The following NMNAT3 variants were observed in gnomAD, a reference collection of about 807,000 sequenced individuals.
NMNAT3 encodes the protein nicotinamide nucleotide adenylyltransferase 3, also known as nicotinamide/nicotinic acid mononucleotide adenylyltransferase 3.
In NMNAT3, 21 loss-of-function variants were observed where a neutral mutation model predicts 24.8. The ratio of observed to expected loss-of-function variants is 0.85; its 90% CI spans 0.60 to 1.22. NMNAT3 has a LOEUF of 1.22. NMNAT3 is among the 50% of genes most tolerant of loss of function. The probability of loss-of-function intolerance (pLI) is 0.00; values close to 1 mark genes in which losing one functional copy is unlikely to be tolerated. For synonymous variants in NMNAT3, 136 were observed against 155.2 expected, an observed-to-expected ratio of 0.88 and a Z score of 0.92; for missense variants, 387 against 436.6, an observed-to-expected ratio of 0.89 and a Z score of 1.01.
intron 1 of NMNAT3, among the ~76,000 whole-genome samples, chr3:139,640,984 T>C (rs2056680954): frequency 6.6e-6 from 1 of 152,246 alleles, no homozygotes; most frequent in Non-Finnish European, 1.5e-5. Flanking sequence ...CGCTATTGTG[T>C]TGGCTAGAAA....
chr3:139,630,161 C>A (rs1390464461), intron 2 of NMNAT3, among the ~76,000 whole-genome samples: 1 of 152,188 alleles, frequency 6.6e-6, no homozygotes, highest in Non-Finnish European at 1.5e-5. Context: ...TTGGCTATTC[C>A]TCTTAATCAA....
At chr3:139,677,064 C>T (rs1003861665) in intron 1 of NMNAT3, among the ~76,000 whole-genome samples, 3 of 152,216 alleles carry the variant, frequency 2.0e-5, no homozygotes, top group Non-Finnish European at 4.4e-5. Context: ...CTCCTTTCCT[C>T]AAGCCACATT....
At chr3:139,647,271 C>T (rs1158668888) in intron 1 of NMNAT3, among the ~76,000 whole-genome samples, 2 of 152,314 alleles carry the variant, frequency 1.3e-5, no homozygotes, top group East Asian at 1.9e-4. Context: ...GGCACTTCAC[C>T]TTTCTAGCTA....
chr3:139,620,158 A>G (rs1440260086), intron 3 of NMNAT3, among the ~76,000 whole-genome samples: 1 of 147,530 alleles, frequency 6.8e-6, no homozygotes, highest in Non-Finnish European at 1.5e-5. Flanking sequence ...GCCCTAAAGA[A>G]TGTATTGTAT....
chr3:139,607,491 C>A (rs1034915273), intron 3 of NMNAT3, among the ~76,000 whole-genome samples: 11 of 152,186 alleles, frequency 7.2e-5, no homozygotes, highest in African/African-American at 2.4e-4. Context: ...TTGTCCTTAG[C>A]CTTGCAGTAT....
chr3:139,636,624 G>C (rs1406040544), intron 2 of NMNAT3: 2 of 152,126 alleles, frequency 1.3e-5, no homozygotes, highest in Non-Finnish European at 2.9e-5. Context: ...TTCCTAGATG[G>C]GTCTTTTCCA....
intron 1 of NMNAT3, among the ~76,000 whole-genome samples, chr3:139,661,916 A>C (rs2057427768): frequency 6.6e-6 from 1 of 152,196 alleles, no homozygotes; most frequent in Non-Finnish European, 1.5e-5. Flanking sequence ...AGTTAACAAA[A>C]ATTCCTTGAT....
At chr3:139,674,294 T>A (rs564041198) in intron 1 of NMNAT3, among the ~76,000 whole-genome samples, 1 of 152,242 alleles carries the variant, frequency 6.6e-6, no homozygotes. Flanking sequence ...CATGGGTCTA[T>A]GTGTATGTGG....
chr3:139,569,391 T>C (rs1163963603), intron 6 of NMNAT3: 1 of 152,226 alleles, frequency 6.6e-6, no homozygotes, highest in African/African-American at 2.4e-5. Flanking sequence ...CATTATGATG[T>C]TAGCTGGTTA....
chr3:139,612,162 C>T (rs1406497154), intron 3 of NMNAT3, among the ~76,000 whole-genome samples: 24 of 100,022 alleles, frequency 2.4e-4, no homozygotes, highest in African/African-American at 7.0e-4. Context: ...AGCAAAACTC[C>T]GTCTCAAAAA....
chr3:139,599,276 G>T, intron 3 of NMNAT3: 1 of 701,582 alleles, frequency 1.4e-6, no homozygotes, highest in Non-Finnish European at 2.6e-6. Context: ...AGCACAGAAT[G>T]ATTACTAATT....
intron 3 of NMNAT3, among the ~76,000 whole-genome samples, chr3:139,626,345 C>G (rs1449757886): frequency 1.3e-5 from 2 of 151,834 alleles, no homozygotes; most frequent in Non-Finnish European, 2.9e-5. Flanking sequence ...ATTATTACAT[C>G]TTCAAGTTCA....
intron 1 of NMNAT3, among the ~76,000 whole-genome samples, chr3:139,667,650 A>C (rs1360049996): frequency 6.6e-6 from 1 of 152,152 alleles, no homozygotes; most frequent in East Asian, 1.9e-4. Context: ...TGCCTGGTTG[A>C]GCCCAGTCAA....
At chr3:139,645,301 A>G (rs1354219620) in intron 1 of NMNAT3, among the ~76,000 whole-genome samples, 1 of 152,216 alleles carries the variant, frequency 6.6e-6, no homozygotes, top group African/African-American at 2.4e-5. Context: ...CCTCGTGGAG[A>G]GTCTAGATAC....
At chr3:139,605,410 C>T (rs1335460788) in intron 3 of NMNAT3, among the ~76,000 whole-genome samples, 1 of 152,154 alleles carries the variant, frequency 6.6e-6, no homozygotes, top group African/African-American at 2.4e-5. Flanking sequence ...ACCCACTTCA[C>T]AATGTCCACA....
intron 3 of NMNAT3, among the ~76,000 whole-genome samples, chr3:139,607,308 G>A (rs564487199): frequency 2.9e-4 from 44 of 152,072 alleles, no homozygotes; most frequent in African/African-American, 5.5e-4. Context: ...GTTTATTTTA[G>A]CCTCCACTCC....
chr3:139,638,088 A>G (rs894793527), intron 1 of NMNAT3, 26 bp from the exon 2 acceptor site: 3 of 152,246 alleles, frequency 2.0e-5, no homozygotes, highest in Non-Finnish European at 4.4e-5. Flanking sequence ...TCCCCAAGTC[A>G]AAACAGCAGA....
At chr3:139,661,464 T>C (rs1163479165) in intron 1 of NMNAT3, among the ~76,000 whole-genome samples, 2 of 151,974 alleles carry the variant, frequency 1.3e-5, no homozygotes, top group Non-Finnish European at 2.9e-5. Context: ...TAGCCAGGAG[T>C]TTGAGAGCAG....
intron 2 of NMNAT3, chr3:139,637,291 G>T (rs2056537155): frequency 1.3e-5 from 2 of 152,174 alleles, no homozygotes; most frequent in Admixed American, 1.3e-4. Context: ...CATGACTCAA[G>T]ATGATAGACC....
Sources: allele counts gnomAD v4.1 joint callset (sites outside exome capture counted in the v4.1 genomes callset), GRCh38; gene constraint gnomAD v4.1.1; transcripts MANE v1.5; gene names NCBI Gene and HGNC (gene_info 2026-07-23, HGNC 2026-07-21).